Variants in DENND2C observed in about 807,000 individuals in gnomAD.
The protein encoded by DENND2C is DENN domain-containing protein 2C.
DENND2C carries 72 observed loss-of-function variants against 112.4 expected under a neutral mutation model. The ratio of observed to expected loss-of-function variants is 0.64; its 90% confidence interval spans 0.53 to 0.78. DENND2C has a LOEUF of 0.78. Ranked by LOEUF, DENND2C falls within the 30% of genes least tolerant of loss-of-function variation. DENND2C has a pLI of 0.00. For synonymous variants in DENND2C, 329 were observed against 381.6 expected (o/e 0.86, Z 1.61); for missense variants, 992 against 1,113.8 (o/e 0.89, Z 1.56).
rs114001550 is a variant in DENND2C, at chr1:114,614,158, G to A, written c.1325-3041C>T. Among the ~76,000 whole-genome samples, 970 of 151,616 alleles carry A rather than the reference G, an allele frequency of 6.4e-3. 14 individuals are homozygous for A. Among genetic ancestry groups the A allele is most frequent in the African/African-American group, 0.022 (914 of 41,256 alleles). On this transcript the variant is annotated intron_variant, in intron 8 of 20. Coordinates refer to ENST00000393274, the MANE Select transcript of DENND2C (RefSeq NM_001256404.2). ...CTGGTGGGAGGATCGCTTGAACCCA[G>A]GAGGTTGAGGCTGCAGTGAGCCATG...
chr1:114,606,653 A>G (rs2101652180), intron 10 of DENND2C, among the ~76,000 whole-genome samples: 1 of 152,318 alleles, frequency 6.6e-6, no homozygotes, highest in East Asian at 1.9e-4. Context: ...AATATAAAAC[A>G]TCTTTTTTCT....
Position 114,622,026 on chromosome 1 carries a change from C to G in DENND2C, c.1096G>C (p.Glu366Gln), listed in dbSNP as rs1379387429. 6.5e-7 allele frequency: 1 copy of G among 1,549,352 alleles called. No individual in the cohort carries two copies. The highest frequency in any genetic ancestry group is 1.4e-5 in the African/African-American group (1 of 72,858). Residue 366 changes from glutamate (E) to glutamine (Q), a missense_variant, in exon 7 of 21, where the codon GAA becomes CAA. By Grantham distance (29) the Glu-to-Gln change is conservative. Transcript: ENST00000393274. ...KPQFLHRKTM[E>Q]VKNSQAYLRS... ...AAATAAGCCTGTGAGTTCTTTACTT[C>G]CATAGTCTTCCGGTGAAGGAACTGA...
At position 114,651,701 on chromosome 1, in the gene DENND2C, C is replaced by A. The variant is rs576152475; in HGVS notation, c.-317+2804G>T. ...CTGCAGAGCTGAGATCACGCCACTGCACTCTAGCCTGGGTGACAGAGTGAG... is the reference window on the plus strand; with the variant it reads ...CTGCAGAGCTGAGATCACGCCACTGAACTCTAGCCTGGGTGACAGAGTGAG... On this transcript the variant is annotated intron_variant, in intron 2 of 20. Coordinates refer to ENST00000393274, the MANE Select transcript of DENND2C (RefSeq NM_001256404.2). Among the ~76,000 whole-genome samples, 40 of 152,324 alleles carry A rather than the reference C, an allele frequency of 2.6e-4. 1 individual carries two copies. The highest frequency in any genetic ancestry group is 9.6e-4 in the African/African-American group (40 of 41,572).
Position 114,625,987 on chromosome 1 carries a change from T to A in DENND2C, c.-3A>T, listed in dbSNP as rs758298910. 3.1e-6 allele frequency: 5 copies of A among 1,603,106 alleles called. No homozygotes were observed. In the South Asian group the frequency reaches 4.4e-5, roughly 14 times the overall value. On this transcript the variant is annotated 5_prime_UTR_variant, in exon 4 of 21. Transcript: ENST00000393274. ...GTACGAGAAAAACCAACATCCATGT[T>A]CCCAACTGGGTGAATGACAAGTGAT...
At chr1:114,611,021 AC>A in intron 9 of DENND2C, 51 bp downstream of exon 9, 1 of 1,606,900 alleles carries the variant, frequency 6.2e-7, no homozygotes. Context: ...GTGCCACTCC[AC>A]CTAACCCATG....
rs751859271 is a variant in DENND2C at position 114,625,234 on chromosome 1, A to G, written c.751T>C (p.Ser251Pro). ...TATTTCTTTGGTTCAGGTTCCTGAG[A>G]AGAGGCCAAAGAAGATTGTGCACAA... Reference protein sequence around the residue: ...NSCAQSSLASSQEPEPKKYGG... With the variant: ...NSCAQSSLASPQEPEPKKYGG... Residue 251 changes from serine (S) to proline (P), a missense_variant, in exon 4 of 21, where the codon TCT (serine) becomes CCT (proline). Ser to Pro is a moderately conservative substitution (Grantham distance 74). Transcript: ENST00000393274. 6.2e-7 allele frequency: 1 copy of G among 1,613,466 alleles called. No homozygotes were observed.
intron 15 of DENND2C, 39 bp downstream of exon 15, chr1:114,600,165 A>G: frequency 1.3e-6 from 2 of 1,575,298 alleles, no homozygotes; most frequent in Non-Finnish European, 1.7e-6. Flanking sequence ...GAACAAATAA[A>G]ACACCAGTGT....
chr1:114,624,706 C>A (rs1383601243), intron 4 of DENND2C, among the ~76,000 whole-genome samples: 1 of 151,218 alleles, frequency 6.6e-6, no homozygotes, highest in African/African-American at 2.4e-5. Context: ...ACTGCAAGCT[C>A]AGCCTCCCAG....
intron 6 of DENND2C, 51 bp from the exon 7 acceptor site, chr1:114,622,116 G>A: frequency 6.8e-7 from 1 of 1,473,078 alleles, no homozygotes; most frequent in Non-Finnish European, 9.0e-7. Context: ...TGCTGTTGTT[G>A]CTTGTTTGTT....
intron 8 of DENND2C, among the ~76,000 whole-genome samples, chr1:114,618,000 T>A (rs548508678): frequency 6.6e-6 from 1 of 152,088 alleles, no homozygotes; most frequent in African/African-American, 2.4e-5. Context: ...ATTTTTTTTT[T>A]TTTTTTGAGA....
intron 18 of DENND2C, among the ~76,000 whole-genome samples, chr1:114,593,385 T>C (rs1395696045): frequency 2.6e-5 from 4 of 152,242 alleles, no homozygotes; most frequent in African/African-American, 7.2e-5. Context: ...AGCCCAAATC[T>C]TTCTTCTAAA....
At chr1:114,627,102 TGAC>T (rs1656364640) in intron 3 of DENND2C, among the ~76,000 whole-genome samples, 1 of 152,218 alleles carries the variant, frequency 6.6e-6, no homozygotes, top group Admixed American at 6.5e-5. Flanking sequence ...ATAACCTATT[TGAC>T]GACTGGACTT....
At position 114,587,417 on chromosome 1, in the gene DENND2C, T is replaced by C; in HGVS notation, c.2725A>G (p.Ser909Gly). The C allele has an allele frequency of 6.2e-7, 1 of 1,614,190 alleles. No individual in the cohort carries two copies. Residue 909 changes from serine (S) to glycine (G), a missense_variant, in exon 20 of 21, where the codon AGT becomes GGT. Ser to Gly is a moderately conservative substitution (Grantham distance 56). Coordinates refer to ENST00000393274, the MANE Select transcript of DENND2C (RefSeq NM_001256404.2). ...CTCCGCAAAATTCTATTCATCCCACTGGGCTCCGACTCAGGAATTGTTTCC... is the reference window on the plus strand; with the variant it reads ...CTCCGCAAAATTCTATTCATCCCACCGGGCTCCGACTCAGGAATTGTTTCC... Reference protein sequence around the residue: ...YLETIPESEPSGMNRILRSLG... With the variant: ...YLETIPESEPGGMNRILRSLG...
At chr1:114,590,672 G>A (rs1655160527) in intron 18 of DENND2C, among the ~76,000 whole-genome samples, 1 of 150,462 alleles carries the variant, frequency 6.6e-6, no homozygotes, top group East Asian at 2.0e-4. Flanking sequence ...CAGCTATGCG[G>A]AAGGCTGAGG....
chr1:114,623,669 G>C lies in DENND2C; in HGVS notation c.807-26C>G, dbSNP rs763302094. On this transcript the variant is annotated intron_variant, in intron 4 of 20. Coordinates refer to ENST00000393274, the MANE Select transcript of DENND2C (RefSeq NM_001256404.2). ...CTTAAAAAAGGAGATATATTTTAAA[G>C]TTATATCTTTCAAAACTCTAATCTT... The C allele has an allele frequency of 6.7e-5, 100 of 1,501,762 alleles. No individual in the cohort carries two copies. The Admixed American group carries it at 7.0e-4, about 10-fold the overall frequency. 93.0% of individuals were successfully genotyped at this position (1,501,762 alleles called of 1,614,324 possible).
intron 3 of DENND2C, among the ~76,000 whole-genome samples, chr1:114,632,383 T>G (rs1298752185): frequency 6.6e-6 from 1 of 151,802 alleles, no homozygotes; most frequent in Non-Finnish European, 1.5e-5. Context: ...AAACCAGTGA[T>G]AAGGAGAAAA....
At chr1:114,588,506 C>G (rs1044077017) in intron 18 of DENND2C, 16 of 152,824 alleles carry the variant, frequency 1.0e-4, no homozygotes, top group African/African-American at 3.9e-4. Flanking sequence ...TATGATAATA[C>G]TGTAATTCCA....
chr1:114,592,734 AAAT>A (rs1655229338), intron 18 of DENND2C, among the ~76,000 whole-genome samples: 2 of 151,164 alleles, frequency 1.3e-5, no homozygotes, highest in South Asian at 4.1e-4. Flanking sequence ...ATAAAAATAA[AAAT>A]AATAAATAAT....
intron 3 of DENND2C, among the ~76,000 whole-genome samples, chr1:114,636,535 C>T (rs1020040746): frequency 1.1e-4 from 16 of 151,930 alleles, no homozygotes; most frequent in African/African-American, 1.9e-4. Flanking sequence ...CATGGTGGTG[C>T]GTGCCTGCAG....
Sources: allele counts gnomAD v4.1 joint callset (sites outside exome capture counted in the v4.1 genomes callset), GRCh38; gene constraint gnomAD v4.1.1; transcripts MANE v1.5; gene names NCBI Gene and HGNC (gene_info 2026-07-23, HGNC 2026-07-21).